The following SS18L1 variants were observed in gnomAD, a reference collection of about 807,000 sequenced individuals.
SS18L1 encodes SS18L1 subunit of BAF chromatin remodeling complex.
A neutral mutation model predicts 70.3 loss-of-function variants in SS18L1; 32 were observed. That is an observed-to-expected ratio of 0.46 (90% CI 0.34 to 0.61). SS18L1 has a LOEUF of 0.61. Among genes scored for constraint, SS18L1 ranks in the 20% least tolerant of loss-of-function variants. The probability of loss-of-function intolerance (pLI) is 0.01; values close to 1 mark genes in which losing one functional copy is unlikely to be tolerated. For synonymous variants in SS18L1, 237 were observed against 229.7 expected, an observed-to-expected ratio of 1.03 and a Z score of -0.29; for missense variants, 430 against 542.1, an observed-to-expected ratio of 0.79 and a Z score of 2.05.
At chr20:62,170,623 T>G (rs2057514268) in intron 8 of SS18L1, among the ~76,000 whole-genome samples, 1 of 152,248 alleles carries the variant, frequency 6.6e-6, no homozygotes, top group African/African-American at 2.4e-5. Flanking sequence ...CCCTGCAGAT[T>G]TCATGCAACA....
Position 62,158,966 on chromosome 20 carries a change from C to A in SS18L1, c.146+218C>A. On this transcript the variant is annotated intron_variant, in intron 2 of 10. Coordinates refer to ENST00000331758, the MANE Select transcript of SS18L1 (RefSeq NM_198935.3). The surrounding 1 kb of genome is among the most constrained non-coding windows in gnomAD (Gnocchi z 4.5). ...AGGTCAGATATGTCCCGAGAGTCCC[C>A]CAGCACGGAGGCCAGATATGTCCCG... is the stretch of plus-strand genomic sequence containing the variant. The A allele has an allele frequency of 6.4e-7, 1 of 1,568,590 alleles. No individual in the cohort carries two copies.
intron 3 of SS18L1, among the ~76,000 whole-genome samples, chr20:62,160,623 C>T (rs1026624645): frequency 1.3e-5 from 2 of 152,172 alleles, no homozygotes; most frequent in South Asian, 4.1e-4. Context: ...AAGACGAGGT[C>T]GTGCTGCTGC....
Position 62,172,952 on chromosome 20 carries a change from G to C in SS18L1, c.1036+151G>C, listed in dbSNP as rs962318407. Reference sequence around the variant, plus strand: ...CGAGCACGCTCCTCGGGGCCCCCCAGCGCCCACCCCTGCCCCTGCCACATG... The same window carrying C: ...CGAGCACGCTCCTCGGGGCCCCCCACCGCCCACCCCTGCCCCTGCCACATG... On this transcript the variant is annotated intron_variant, in intron 9 of 10. Transcript: ENST00000331758. The C allele has an allele frequency of 1.7e-5, 25 of 1,491,788 alleles. 1 individual carries two copies. The Admixed American group carries it at 5.1e-4, about 30-fold the overall frequency. 92.4% of individuals were successfully genotyped at this position (1,491,788 alleles called of 1,614,324 possible).
chr20:62,145,814 G>C (rs2057014615), intron 1 of SS18L1, among the ~76,000 whole-genome samples: 1 of 152,200 alleles, frequency 6.6e-6, no homozygotes, highest in Non-Finnish European at 1.5e-5. Flanking sequence ...TCTTTTACTG[G>C]GAGGTGTGAG....
chr20:62,155,697 G>C (rs1280939272), intron 1 of SS18L1, among the ~76,000 whole-genome samples: 1 of 152,202 alleles, frequency 6.6e-6, no homozygotes, highest in Non-Finnish European at 1.5e-5. Flanking sequence ...CCTGCCAGCA[G>C]ATCCTGGGCG....
intron 10 of SS18L1, chr20:62,175,504 G>T (rs1226292976): frequency 1.0e-6 from 1 of 953,626 alleles, no homozygotes; most frequent in Non-Finnish European, 1.2e-6. Flanking sequence ...AGTGAAGGCA[G>T]CCTGAAGGAG....
At position 62,174,787 on chromosome 20, in the gene SS18L1, C is replaced by G. The variant is rs1443969673; in HGVS notation, c.1164+143C>G. The G allele has an allele frequency of 6.4e-7, 1 of 1,555,850 alleles. No individual in the cohort carries two copies. Among genetic ancestry groups the G allele is most frequent in the Non-Finnish European group, 8.7e-7 (1 of 1,150,308 alleles). On this transcript the variant is annotated intron_variant, in intron 10 of 10. Transcript: ENST00000331758. This position sits in a 1 kb window ranked among gnomAD's most constrained non-coding sequence, Gnocchi z 4.1. ...CTTCCAGAACGTTAAGTCTCTGAGC[C>G]TGTAAGGTTTTGCAGAATTGCCTCT...
Position 62,174,216 on chromosome 20 carries a change from C to T in SS18L1, c.1037-301C>T, listed in dbSNP as rs935788305. 1.3e-5 allele frequency among the ~76,000 whole-genome samples: 2 copies of T among 151,944 alleles called. No individual in the cohort carries two copies. The highest frequency in any genetic ancestry group is 2.9e-5 in the Non-Finnish European group (2 of 67,974). On this transcript the variant is annotated intron_variant, in intron 9 of 10. Coordinates refer to ENST00000331758, the MANE Select transcript of SS18L1 (RefSeq NM_198935.3). The surrounding 1 kb of genome is among the most constrained non-coding windows in gnomAD (Gnocchi z 4.1). ...GTCCTGCCTTCAGGTAGCAGCAGTT[C>T]TGGGGTGATGGAGAGAGCCCATCAG...
At chr20:62,144,012 C>T in intron 1 of SS18L1, 123 bp downstream of exon 1, 2 of 544,328 alleles carry the variant, frequency 3.7e-6, no homozygotes, top group Non-Finnish European at 4.7e-6. Context: ...CGGGCGGCCG[C>T]GAGCCCCGAC....
At chr20:62,164,813 C>T (rs941301198) in intron 7 of SS18L1, among the ~76,000 whole-genome samples, 15 of 152,204 alleles carry the variant, frequency 9.9e-5, no homozygotes, top group Admixed American at 7.9e-4. Context: ...AGGATCGCTT[C>T]AGCCCAGGAG....
chr20:62,146,703 C>T (rs2057035401), intron 1 of SS18L1, among the ~76,000 whole-genome samples: 1 of 151,370 alleles, frequency 6.6e-6, no homozygotes, highest in African/African-American at 2.4e-5. Context: ...CGCGCCCCCG[C>T]CCACGTTCAA....
Position 62,163,498 on chromosome 20 carries a change from C to T in SS18L1, c.597C>T (p.Ser199=), listed in dbSNP as rs2057369940. 1.9e-6 allele frequency: 3 copies of T among 1,612,244 alleles called. No individual in the cohort carries two copies. The highest frequency in any genetic ancestry group is 2.2e-5 in the East Asian group (1 of 44,876). Residue 199 remains serine (S), a synonymous_variant, in exon 6 of 11, where the codon AGC becomes AGT. Coordinates refer to ENST00000331758, the MANE Select transcript of SS18L1 (RefSeq NM_198935.3). ...AGCAGGCGGCCACGTCGCACTACAG[C>T]TCGGCGCAGGGCGGCAGCCAGCACT... ...MQQQAATSHY[S]SAQGGSQHYQ... is the part of the protein sequence containing the mutation.
In SS18L1 at chr20:62,180,932, A is replaced by G. The variant is rs1050290621; in HGVS notation, c.*1724A>G. 14 of 176,664 alleles carry G rather than the reference A, an allele frequency of 7.9e-5. No individual in the cohort carries two copies. In the East Asian group the frequency reaches 1.4e-3, roughly 17 times the overall value. The allele number at this position is 176,664 out of a possible 1,614,324, so 10.9% of individuals were successfully genotyped here. On this transcript the variant is annotated 3_prime_UTR_variant, in exon 11 of 11. Transcript: ENST00000331758. Reference sequence around the variant, plus strand: ...TAAATAAATAAATAAATAAGTTAAAATTAATTCTTTATCCAGAGTCGGGTG... The same window carrying G: ...TAAATAAATAAATAAATAAGTTAAAGTTAATTCTTTATCCAGAGTCGGGTG...
At chr20:62,162,685 TCTTCAC>T in intron 4 of SS18L1, 61 bp from the exon 5 acceptor site, 9 of 1,514,774 alleles carry the variant, frequency 5.9e-6, no homozygotes, top group Non-Finnish European at 7.1e-6. Context: ...AATTGGGGTG[TCTTCAC>T]CTTCAGAAGT....
chr20:62,162,297 GTTTTC>G (rs779267366), intron 4 of SS18L1, among the ~76,000 whole-genome samples: 11 of 149,432 alleles, frequency 7.4e-5, no homozygotes, highest in African/African-American at 1.5e-4. Context: ...ACGCTGCTTT[GTTTTC>G]TTTTCTTTTT....
intron 10 of SS18L1, among the ~76,000 whole-genome samples, chr20:62,176,744 T>G (rs1334520827): frequency 6.6e-6 from 1 of 150,632 alleles, no homozygotes; most frequent in Non-Finnish European, 1.5e-5. Flanking sequence ...CAGAGGTGAG[T>G]TGAGATCACG....
chr20:62,178,115 G>T (rs1292701733), intron 10 of SS18L1, among the ~76,000 whole-genome samples: 2 of 149,956 alleles, frequency 1.3e-5, no homozygotes, highest in Non-Finnish European at 3.0e-5. Flanking sequence ...AACCTCCGGG[G>T]CATGCGCCAC....
At chr20:62,166,206 A>G (rs2057427062) in intron 8 of SS18L1, among the ~76,000 whole-genome samples, 1 of 152,196 alleles carries the variant, frequency 6.6e-6, no homozygotes, top group Non-Finnish European at 1.5e-5. Context: ...AGAGCTGATG[A>G]TCGCCTGCGG....
chr20:62,172,306 C>G (rs57138159), intron 8 of SS18L1, among the ~76,000 whole-genome samples: 20,669 of 151,160 alleles, frequency 0.14, 1,738 homozygotes, highest in South Asian at 0.24. Flanking sequence ...CAGCCTGGGT[C>G]CCAGAGCGAG....
Sources: gnomAD v4.1 joint callset for allele counts (sites outside exome capture counted in the v4.1 genomes callset) on GRCh38, gnomAD v4.1.1 for gene constraint, Gnocchi (gnomAD v3.1) non-coding constraint, MANE v1.5 for transcripts, NCBI Gene and HGNC (gene_info 2026-07-23, HGNC 2026-07-21) for gene names.